Variants in UGGT1 observed in about 807,000 individuals in gnomAD.
UGGT1 encodes UDP-glucose glycoprotein glucosyltransferase 1.
A neutral mutation model predicts 203.9 loss-of-function variants in UGGT1; 107 were observed. The observed-to-expected ratio is 0.52, with a 90% confidence interval of 0.45 to 0.62. UGGT1 has a LOEUF of 0.62. UGGT1 is among the 20% of genes least tolerant of loss of function. UGGT1 has a pLI of 0.00. For missense variants in UGGT1, 1,673 were observed against 1,867.2 expected (o/e 0.90, Z 1.92); for synonymous variants, 628 against 653.5 (o/e 0.96, Z 0.59).
In UGGT1 at chr2:128,143,825, G is replaced by A. The variant is rs72975918; in HGVS notation, c.1851+600G>A. 1.8e-3 allele frequency among the ~76,000 whole-genome samples: 276 copies of A among 151,790 alleles called. 1 individual carries two copies. Among genetic ancestry groups the A allele is most frequent in the African/African-American group, 6.2e-3 (255 of 41,450 alleles). On this transcript the variant is annotated intron_variant, in intron 17 of 40. Transcript: ENST00000259253. ...GTCCTAACAATCTAATGACTAATGAGATTTTTTTTTTTTTTAACTACAGCA... is the reference window on the plus strand; with the variant it reads ...GTCCTAACAATCTAATGACTAATGAAATTTTTTTTTTTTTTAACTACAGCA...
At chr2:128,146,036 T>A in intron 18 of UGGT1, 69 bp downstream of exon 18, 1 of 1,558,202 alleles carries the variant, frequency 6.4e-7, no homozygotes, top group Non-Finnish European at 8.8e-7. Flanking sequence ...GCCTCTATAG[T>A]AGGCAGTAAA....
intron 17 of UGGT1, among the ~76,000 whole-genome samples, chr2:128,145,226 C>T (rs1314906019): frequency 6.6e-6 from 1 of 152,100 alleles, no homozygotes. Context: ...GCATAGAGCG[C>T]TTATAATTTA....
At chr2:128,159,417 T>G (rs1278639932) in intron 22 of UGGT1, 97 bp from the exon 23 acceptor site, 20 of 1,143,076 alleles carry the variant, frequency 1.7e-5, no homozygotes, top group South Asian at 2.8e-5. Context: ...TTAAGAGAGA[T>G]ATTATTTGCT....
chr2:128,121,502 T>C (rs1688381498), intron 10 of UGGT1, among the ~76,000 whole-genome samples: 1 of 147,836 alleles, frequency 6.8e-6, no homozygotes, highest in South Asian at 2.1e-4. Flanking sequence ...GCCTCCCAGG[T>C]TCAAGCGATT....
Position 128,195,337 on chromosome 2 carries a change from ATACAT to A in UGGT1, c.*5598_*5602del, listed in dbSNP as rs1272842725. 3 of 152,256 alleles carry A rather than the reference ATACAT, an allele frequency of 2.0e-5. No homozygotes were observed. Among genetic ancestry groups the A allele is most frequent in the Non-Finnish European group, 2.9e-5 (2 of 68,044 alleles). The allele number at this position is 152,256 out of a possible 1,614,324, so 9.4% of individuals were successfully genotyped here. A position where few individuals can be genotyped will look rare whatever the true frequency, so the allele number is the denominator to read the frequency against. ...CTTAACAACAACAGCAGAAAGCAAA[ATACAT>A]TAACTTAAGGTTGACAACAAAAGAT... On this transcript the variant is annotated 3_prime_UTR_variant, in exon 41 of 41. Transcript: ENST00000259253.
chr2:128,153,194 A>T (rs560111391), intron 19 of UGGT1, among the ~76,000 whole-genome samples: 1 of 152,324 alleles, frequency 6.6e-6, no homozygotes, highest in East Asian at 1.9e-4. Context: ...ATAGATGATG[A>T]GAATGGACCT....
intron 2 of UGGT1, among the ~76,000 whole-genome samples, chr2:128,102,541 CTTTAATAA>C (rs1281768427): frequency 6.6e-6 from 1 of 152,010 alleles, no homozygotes; most frequent in Non-Finnish European, 1.5e-5. Flanking sequence ...GGCAGCATTT[CTTTAATAA>C]TATCTTGTAT....
At chr2:128,178,367 T>C in intron 33 of UGGT1, 101 bp from the exon 34 acceptor site, 1 of 1,012,294 alleles carries the variant, frequency 9.9e-7, no homozygotes, top group Non-Finnish European at 1.5e-6. Flanking sequence ...GCTCACCCGC[T>C]AGGGAAGGAT....
In UGGT1 at chr2:128,195,190, C is replaced by G. The variant is rs949037184; in HGVS notation, c.*5448C>G. On this transcript the variant is annotated 3_prime_UTR_variant, in exon 41 of 41. Coordinates refer to ENST00000259253, the MANE Select transcript of UGGT1 (RefSeq NM_020120.4). ...GCAAGCAAAAGGTCCTCTCCTGAGT[C>G]TTTCCCAGATACCCAGCAGTGCAGA... 1 of 152,280 alleles carries G rather than the reference C, an allele frequency of 6.6e-6. No homozygotes were observed. The highest frequency in any genetic ancestry group is 1.5e-5 in the Non-Finnish European group (1 of 68,078). 9.4% of individuals were successfully genotyped at this position (152,280 alleles called of 1,614,324 possible).
Position 128,164,187 on chromosome 2 carries a change from T to C in UGGT1, c.2826-543T>C, listed in dbSNP as rs192257147. Reference sequence around the variant, plus strand: ...ACAAACAAACAAACAAACAAAAATATTGAAATATCACTGTATTTATTAACC... The same window carrying C: ...ACAAACAAACAAACAAACAAAAATACTGAAATATCACTGTATTTATTAACC... On this transcript the variant is annotated intron_variant, in intron 25 of 40. Transcript: ENST00000259253. Among the ~76,000 whole-genome samples, 7 of 152,240 alleles carry C rather than the reference T, an allele frequency of 4.6e-5. No individual in the cohort carries two copies. In the East Asian group the frequency reaches 1.2e-3, roughly 25 times the overall value.
At chr2:128,101,844 C>T (rs1308365385) in intron 2 of UGGT1, among the ~76,000 whole-genome samples, 7 of 152,252 alleles carry the variant, frequency 4.6e-5, no homozygotes, top group Middle Eastern at 3.4e-3. Context: ...GCTGATCTCC[C>T]GCAATAGCTT....
At chr2:128,153,404 G>T (rs1010065722) in intron 19 of UGGT1, among the ~76,000 whole-genome samples, 3 of 151,736 alleles carry the variant, frequency 2.0e-5, no homozygotes, top group Admixed American at 6.6e-5. Flanking sequence ...TTTTTTTAAT[G>T]AAAAAAACCC....
At chr2:128,173,430 C>T (rs774542184) in intron 29 of UGGT1, among the ~76,000 whole-genome samples, 8 of 152,020 alleles carry the variant, frequency 5.3e-5, no homozygotes, top group Non-Finnish European at 1.0e-4. Flanking sequence ...TATCCTCGTT[C>T]GTATTTTTAG....
Position 128,187,521 on chromosome 2 carries a change from G to A in UGGT1, c.4549G>A (p.Asp1517Asn), listed in dbSNP as rs530864078. Reference protein sequence around the residue: ...VRIVPEWQDYDQEIKQLQIRF... With the variant: ...VRIVPEWQDYNQEIKQLQIRF... ...GATTGTCCCGGAGTGGCAGGACTAC[G>A]ACCAAGAGATCAAACAGCTACAGAT... is the stretch of plus-strand genomic sequence containing the variant. Residue 1517 changes from aspartate to asparagine, a missense_variant, in exon 40 of 41, where the codon GAC becomes AAC. Physicochemically the swap from Asp to Asn is conservative, Grantham distance 23 (BLOSUM62 1). Around this residue, in one of 4 missense-constraint regions of UGGT1, gnomAD observed 513 missense variants for 684.1 expected, o/e 0.75. Coordinates refer to ENST00000259253, the MANE Select transcript of UGGT1 (RefSeq NM_020120.4). 4.3e-6 allele frequency: 7 copies of A among 1,614,068 alleles called. No homozygotes were observed. Among genetic ancestry groups the A allele is most frequent in the Admixed American group, 3.3e-5 (2 of 60,016 alleles).
intron 30 of UGGT1, 73 bp downstream of exon 30, chr2:128,174,012 A>G (rs2104791926): frequency 6.5e-7 from 1 of 1,534,270 alleles, no homozygotes; most frequent in Non-Finnish European, 8.9e-7. Context: ...TGATGGAGCA[A>G]TTAGCATTCT....
At position 128,134,944 on chromosome 2, in the gene UGGT1, T is replaced by G; in HGVS notation, c.1566T>G (p.Ser522Arg). Reference protein sequence around the residue: ...ELMNTAEMFLSNHIPLRIGFI... With the variant: ...ELMNTAEMFLRNHIPLRIGFI... ...TGAACACAGCTGAGATGTTCCTTAG[T>G]AATCATATACCACTAAGGTAACACT... Residue 522 changes from serine to arginine, a missense_variant, in exon 15 of 41, where the codon AGT (serine) becomes AGG (arginine). By Grantham distance (110) the Ser-to-Arg change is moderately radical. This residue lies in a region of UGGT1 where 1,073 missense variants were observed against 1,078.7 expected (regional missense o/e 0.99). Transcript: ENST00000259253. 1 of 1,613,612 alleles carries G rather than the reference T, an allele frequency of 6.2e-7. No individual in the cohort carries two copies.
chr2:128,157,767 G>T (rs931184190), intron 22 of UGGT1, among the ~76,000 whole-genome samples: 6 of 152,174 alleles, frequency 3.9e-5, no homozygotes, highest in Non-Finnish European at 8.8e-5. Flanking sequence ...AGATCCAGAT[G>T]CACTGAGGGA....
At chr2:128,104,470 A>G (rs1242302829) in intron 3 of UGGT1, among the ~76,000 whole-genome samples, 1 of 152,212 alleles carries the variant, frequency 6.6e-6, no homozygotes, top group Admixed American at 6.5e-5. Context: ...TTAAGGTATC[A>G]AATGAATGAT....
chr2:128,170,413 G>A (rs1392603922), intron 27 of UGGT1, 23 bp downstream of exon 27: 7 of 1,598,696 alleles, frequency 4.4e-6, no homozygotes, highest in Non-Finnish European at 6.0e-6. Flanking sequence ...TGCAGGAAGT[G>A]TACATCACCT....
Sources: allele counts gnomAD v4.1 joint callset (sites outside exome capture counted in the v4.1 genomes callset), GRCh38; gene constraint gnomAD v4.1.1; regional missense constraint gnomAD v4.1.1; transcripts MANE v1.5; gene names NCBI Gene and HGNC (gene_info 2026-07-23, HGNC 2026-07-21).